The following HEXD variants were observed in gnomAD, a reference collection of about 807,000 sequenced individuals.
HEXD encodes the protein hexosaminidase D, also known as N-acetyl-beta-galactosaminidase.
In HEXD, 47 loss-of-function variants were observed where a neutral mutation model predicts 54.2. The observed-to-expected ratio is 0.87, with a 90% CI of 0.69 to 1.11. The LOEUF is 1.11. HEXD is among the 50% of genes least tolerant of loss of function. HEXD has a pLI of 0.00. For synonymous variants in HEXD, 293 were observed against 287.6 expected (o/e 1.02, Z -0.19); for missense variants, 576 against 649.2 (o/e 0.89, Z 1.23).
chr17:82,433,684 C>A lies in HEXD; in HGVS notation c.309C>A (p.Ala103=). 6.2e-7 allele frequency: 1 copy of A among 1,606,242 alleles called. No individual in the cohort carries two copies. The highest frequency in any genetic ancestry group is 8.5e-7 in the Non-Finnish European group (1 of 1,177,330). Residue 103 remains alanine, a synonymous_variant, in exon 5 of 13, where the codon GCC becomes GCA. Transcript: ENST00000327949. Reference sequence around the variant, plus strand: ...TTGTGCTGAAGCACACGGCCTTCGCCCACCTGCGGGAGGTGGGCTCCTTCC... The same window carrying A: ...TTGTGCTGAAGCACACGGCCTTCGCACACCTGCGGGAGGTGGGCTCCTTCC... The part of the protein sequence containing the change: ...MEFVLKHTAF[A]HLREVGSFPC...
intron 6 of HEXD, 57 bp downstream of exon 6, chr17:82,435,929 C>T (rs1276330338): frequency 2.0e-6 from 3 of 1,532,048 alleles, no homozygotes; most frequent in African/African-American, 2.7e-5. Flanking sequence ...AGACCTGCGG[C>T]TTCAAAGAAA....
At chr17:82,433,971 T>C in intron 5 of HEXD, 149 bp downstream of exon 5, 1 of 732,166 alleles carries the variant, frequency 1.4e-6, no homozygotes, top group East Asian at 3.3e-5. Context: ...TCCGAGTGGA[T>C]GGGCGGCCTG....
chr17:82,436,601 G>A (rs1008623516), intron 6 of HEXD, 66 bp from the exon 7 acceptor site: 27 of 1,339,354 alleles, frequency 2.0e-5, no homozygotes, highest in Admixed American at 1.8e-4. Flanking sequence ...ACGAGAACAG[G>A]TGGGTCCGAG....
intron 2 of HEXD, 84 bp downstream of exon 2, chr17:82,419,967 G>A (rs2053182643): frequency 1.0e-5 from 8 of 791,062 alleles, no homozygotes; most frequent in East Asian, 2.8e-5. Context: ...CTGTGGAAAC[G>A]GGTACCTAGA....
intron 8 of HEXD, among the ~76,000 whole-genome samples, chr17:82,438,577 G>A (rs557546387): frequency 3.9e-5 from 6 of 152,336 alleles, no homozygotes; most frequent in Non-Finnish European, 5.9e-5. Flanking sequence ...CCTGGTCGCC[G>A]GCCAAGTCCT....
chr17:82,442,451 G>T lies in HEXD; in HGVS notation c.*67G>T. 6.2e-7 allele frequency: 1 copy of T among 1,609,598 alleles called. No homozygotes were observed. The highest frequency in any genetic ancestry group is 8.5e-7 in the Non-Finnish European group (1 of 1,177,154). On this transcript the variant is annotated 3_prime_UTR_variant, in exon 13 of 13. Coordinates refer to ENST00000327949, the MANE Select transcript of HEXD (RefSeq NM_001330542.2). The surrounding 1 kb of genome is among the most constrained non-coding windows in gnomAD (Gnocchi z 6.8). ...GGGCTCTGCACTGCCAAATGGCCTG[G>T]GCAATACGGGCCCACGTGGGCGTCG... is the stretch of plus-strand genomic sequence containing the variant.
intron 4 of HEXD, among the ~76,000 whole-genome samples, chr17:82,429,274 T>A (rs190932329): frequency 6.6e-6 from 1 of 151,840 alleles, no homozygotes; most frequent in Non-Finnish European, 1.5e-5. Flanking sequence ...AATATATATA[T>A]ACACATATTC....
chr17:82,428,743 AT>A, intron 4 of HEXD, 98 bp downstream of exon 4: 1 of 997,232 alleles, frequency 1.0e-6, no homozygotes, highest in South Asian at 1.3e-5. Flanking sequence ...CAGCGGGCCC[AT>A]GGTTGGGGTG....
intron 11 of HEXD, 79 bp from the exon 12 acceptor site, chr17:82,441,718 TAAA>T: frequency 9.5e-7 from 1 of 1,052,930 alleles, no homozygotes; most frequent in African/African-American, 1.6e-5. Flanking sequence ...ACCCCATTCT[TAAA>T]CATTTTCTGT....
At chr17:82,436,187 G>A (rs1012584070) in intron 6 of HEXD, among the ~76,000 whole-genome samples, 3 of 152,230 alleles carry the variant, frequency 2.0e-5, no homozygotes, top group Non-Finnish European at 4.4e-5. Context: ...TGCTCCTCCA[G>A]CCCCTGGGCC....
At chr17:82,437,461 T>C in intron 8 of HEXD, 98 bp downstream of exon 8, 1 of 1,127,266 alleles carries the variant, frequency 8.9e-7, no homozygotes, top group Non-Finnish European at 1.2e-6. Context: ...CCCAGGTTGG[T>C]CAAAGGGGAA....
intron 4 of HEXD, among the ~76,000 whole-genome samples, chr17:82,432,801 C>T (rs375719367): frequency 3.4e-4 from 51 of 151,798 alleles, no homozygotes; most frequent in Admixed American, 7.9e-4. Flanking sequence ...CAGTGGCTCA[C>T]GCCTGTAATC....
rs754233970 is a variant in HEXD at position 82,433,752 on chromosome 17, T to C, written c.377T>C (p.Val126Ala). Reference protein sequence around the residue: ...NPHEAESLALVGAMIDQVLEL... With the variant: ...NPHEAESLALAGAMIDQVLEL... ...CACGAGGCAGAGTCCCTGGCGCTGG[T>C]GGGCGCCATGATTGACCAGGTCCTG... The change falls in exon 5 of 13, where the codon GTG (valine) becomes GCG (alanine). Residue 126 changes from valine to alanine, a missense_variant. Transcript: ENST00000327949. 1.7e-5 allele frequency: 28 copies of C among 1,612,938 alleles called. No individual in the cohort carries two copies. In the South Asian group the frequency reaches 3.0e-4, roughly 17 times the overall value.
rs1599712951 is a variant in HEXD at position 82,418,594 on chromosome 17, G to T, written c.-198G>T. The T allele has an allele frequency of 6.2e-6, 3 of 481,830 alleles. No homozygotes were observed. Among genetic ancestry groups the T allele is most frequent in the East Asian group, 9.2e-5 (2 of 21,854 alleles). The allele number at this position is 481,830 out of a possible 1,614,324, so 29.8% of individuals were successfully genotyped here. A position where few individuals can be genotyped will look rare whatever the true frequency, so the allele number is the denominator to read the frequency against. The stretch of plus-strand genomic sequence containing the variant: ...CGGCGCAGGGACGCGAGTGCGACGC[G>T]CTCGGCCATCGGCCCCTGGGCTGGC... On this transcript the variant is annotated 5_prime_UTR_variant, in exon 1 of 13. Coordinates refer to ENST00000327949, the MANE Select transcript of HEXD (RefSeq NM_001330542.2).
Position 82,435,890 on chromosome 17 carries a change from G to A in HEXD, c.631+18G>A. On this transcript the variant is annotated intron_variant, in intron 6 of 12. Transcript: ENST00000327949. ...GCTCGCAGGTCGGCCAACAGGGCTGGGGGAGGGGGTGGGCCACTGAACTGC... is the reference window on the plus strand; with the variant it reads ...GCTCGCAGGTCGGCCAACAGGGCTGAGGGAGGGGGTGGGCCACTGAACTGC... The A allele has an allele frequency of 6.3e-7, 1 of 1,596,258 alleles. No individual in the cohort carries two copies. Among genetic ancestry groups the A allele is most frequent in the Non-Finnish European group, 8.5e-7 (1 of 1,173,236 alleles).
At chr17:82,441,666 T>A in intron 11 of HEXD, 134 bp from the exon 12 acceptor site, 1 of 776,938 alleles carries the variant, frequency 1.3e-6, no homozygotes, top group South Asian at 1.5e-5. Flanking sequence ...AGCCTCATCC[T>A]TCACAAAGAC....
In HEXD at chr17:82,418,384, C is replaced by T; in HGVS notation, c.-408C>T. On this transcript the variant is annotated 5_prime_UTR_variant, in exon 1 of 13. Transcript: ENST00000327949. Reference sequence around the variant, plus strand: ...TCCATGGCCCTGTCCGCCGCCGCAGCGCGCGCCCTTCCCCTCCTCACCGCT... The same window carrying T: ...TCCATGGCCCTGTCCGCCGCCGCAGTGCGCGCCCTTCCCCTCCTCACCGCT... The T allele has an allele frequency of 6.9e-7, 1 of 1,453,786 alleles. No individual in the cohort carries two copies. The highest frequency in any genetic ancestry group is 9.1e-7 in the Non-Finnish European group (1 of 1,100,080). 90.1% of individuals were successfully genotyped at this position (1,453,786 alleles called of 1,614,324 possible).
At chr17:82,420,643 C>T (rs1261893431) in intron 2 of HEXD, among the ~76,000 whole-genome samples, 1 of 152,204 alleles carries the variant, frequency 6.6e-6, no homozygotes, top group Non-Finnish European at 1.5e-5. Context: ...TCTCGGCTTA[C>T]TGCAACCTCC....
chr17:82,441,156 T>A lies in HEXD; in HGVS notation c.1062-9T>A. 1 of 1,613,206 alleles carries A rather than the reference T, an allele frequency of 6.2e-7. No homozygotes were observed. On this transcript the variant is annotated splice_polypyrimidine_tract_variant and intron_variant, in intron 10 of 12. Transcript: ENST00000327949. ...TGGAGACAGCTGTTCTCAGCAGGGCTCTCCGCAGGGAGGGGGCCGGCTCCT... is the reference window on the plus strand; with the variant it reads ...TGGAGACAGCTGTTCTCAGCAGGGCACTCCGCAGGGAGGGGGCCGGCTCCT...
Sources: gnomAD v4.1 joint callset for allele counts (sites outside exome capture counted in the v4.1 genomes callset) on GRCh38, gnomAD v4.1.1 for gene constraint, Gnocchi (gnomAD v3.1) non-coding constraint, MANE v1.5 for transcripts, NCBI Gene and HGNC (gene_info 2026-07-23, HGNC 2026-07-21) for gene names.